Variants in LRRC4C observed in about 807,000 individuals in gnomAD.
The protein encoded by LRRC4C is leucine rich repeat containing 4C, also known as leucine-rich repeat-containing protein 4C.
Under a neutral mutation model 33.6 loss-of-function variants are expected in LRRC4C, and 5 were observed. The ratio of observed to expected loss-of-function variants is 0.15; its 90% CI spans 0.08 to 0.31. LRRC4C has a LOEUF of 0.31. Ranked by LOEUF, LRRC4C falls within the 10% of genes least tolerant of loss-of-function variation. LRRC4C has a pLI of 1.00. For synonymous variants in LRRC4C, 329 were observed against 302.0 expected (o/e 1.09, Z -0.93); for missense variants, 560 against 796.7 (o/e 0.70, Z 3.58).
At chr11:40,979,244 A>G (rs1852323752) in intron 1 of LRRC4C, among the ~76,000 whole-genome samples, 2 of 152,204 alleles carry the variant, frequency 1.3e-5, no homozygotes, top group African/African-American at 4.8e-5. Flanking sequence ...TTTCTACAAT[A>G]CTATCAATTC....
intron 2 of LRRC4C, among the ~76,000 whole-genome samples, chr11:40,729,987 C>T (rs1469787190): frequency 6.6e-6 from 1 of 151,994 alleles, no homozygotes. Context: ...TCATCATTCT[C>T]AGTAAACTAT....
chr11:40,584,182 A>ATATATATATATATG (rs1374392343), intron 3 of LRRC4C, among the ~76,000 whole-genome samples: 1 of 124,202 alleles, frequency 8.1e-6, no homozygotes, highest in Admixed American at 8.6e-5. Context: ...CACTTCATAT[A>ATATATATATATATG]TATATATATA....
chr11:41,316,166 A>G (rs984676429), intron 1 of LRRC4C, among the ~76,000 whole-genome samples: 5 of 150,366 alleles, frequency 3.3e-5, no homozygotes, highest in East Asian at 4.1e-4. Flanking sequence ...CTTTTTTACA[A>G]TGAGAATGAT....
At chr11:40,635,221 C>A (rs1224765862) in intron 3 of LRRC4C, among the ~76,000 whole-genome samples, 1 of 152,198 alleles carries the variant, frequency 6.6e-6, no homozygotes, top group Non-Finnish European at 1.5e-5. Context: ...ATAGAATTCT[C>A]AACCTCGACC....
At chr11:41,285,326 T>A (rs1476659012) in intron 1 of LRRC4C, among the ~76,000 whole-genome samples, 1 of 152,212 alleles carries the variant, frequency 6.6e-6, no homozygotes, top group African/African-American at 2.4e-5. Context: ...AAACAAAAAC[T>A]TCAATTCACA....
At chr11:41,419,822 C>G (rs575646701) in intron 1 of LRRC4C, among the ~76,000 whole-genome samples, 1 of 151,954 alleles carries the variant, frequency 6.6e-6, no homozygotes, top group Non-Finnish European at 1.5e-5. Flanking sequence ...AACCAGGATT[C>G]AAACTCAAGC....
intron 3 of LRRC4C, among the ~76,000 whole-genome samples, chr11:40,411,567 G>A (rs1447479013): frequency 1.3e-5 from 2 of 151,988 alleles, no homozygotes; most frequent in African/African-American, 4.8e-5. Context: ...CAGATCCAGA[G>A]TGCTGAATGG....
At position 40,537,811 on chromosome 11, in the gene LRRC4C, G is replaced by A. The variant is rs148077247; in HGVS notation, c.-270+110331C>T. Among the ~76,000 whole-genome samples, 60 of 152,222 alleles carry A rather than the reference G, an allele frequency of 3.9e-4. 2 individuals carry two copies. The East Asian group carries it at 0.01, about 27-fold the overall frequency. On this transcript the variant is annotated intron_variant, in intron 3 of 6. Coordinates refer to ENST00000528697, the MANE Select transcript of LRRC4C (RefSeq NM_001258419.2). ...AAAGGAAAGCTATTATGTAAAACCC[G>A]CATGACCATTCCAACCACCTAACTT...
chr11:41,072,991 C>A (rs2135433871), intron 1 of LRRC4C, among the ~76,000 whole-genome samples: 1 of 152,102 alleles, frequency 6.6e-6, no homozygotes, highest in East Asian at 1.9e-4. Flanking sequence ...AGTGATCTGC[C>A]CAATATTATG....
chr11:40,765,992 A>G (rs1180921472), intron 2 of LRRC4C, among the ~76,000 whole-genome samples: 2 of 151,866 alleles, frequency 1.3e-5, no homozygotes, highest in Non-Finnish European at 2.9e-5. Context: ...TAGAACACCA[A>G]ACAGATTTAG....
At chr11:41,120,643 A>C (rs3886949) in intron 1 of LRRC4C, among the ~76,000 whole-genome samples, 1 of 151,924 alleles carries the variant, frequency 6.6e-6, no homozygotes, top group Non-Finnish European at 1.5e-5. Flanking sequence ...ACAGCTCTCA[A>C]TGAGTTCTTG....
chr11:41,061,910 GT>G (rs1937800471), intron 1 of LRRC4C, among the ~76,000 whole-genome samples: 1 of 151,916 alleles, frequency 6.6e-6, no homozygotes, highest in African/African-American at 2.4e-5. Context: ...GTCTAACACG[GT>G]GGGCAGCACA....
intron 1 of LRRC4C, among the ~76,000 whole-genome samples, chr11:41,338,824 C>T (rs1951539100): frequency 6.6e-6 from 1 of 151,926 alleles, no homozygotes; most frequent in Admixed American, 6.6e-5. Flanking sequence ...ATCTGAGTTC[C>T]TACTCTCTAA....
chr11:40,327,674 G>C (rs1946164824), intron 3 of LRRC4C, among the ~76,000 whole-genome samples: 1 of 151,852 alleles, frequency 6.6e-6, no homozygotes, highest in Non-Finnish European at 1.5e-5. Flanking sequence ...TATGCACTGG[G>C]CCAGGTGTTG....
intron 3 of LRRC4C, among the ~76,000 whole-genome samples, chr11:40,389,344 C>T (rs540505207): frequency 5.3e-5 from 8 of 152,226 alleles, no homozygotes; most frequent in South Asian, 2.1e-4. Flanking sequence ...ATTCATACAT[C>T]GCTGTAACTT....
chr11:40,166,552 G>GCTT (rs1173766156), intron 5 of LRRC4C, among the ~76,000 whole-genome samples: 1 of 152,050 alleles, frequency 6.6e-6, no homozygotes, highest in Admixed American at 6.5e-5. Context: ...GAACACATAT[G>GCTT]CTTCTGATAT....
At chr11:41,293,757 C>T (rs1419078640) in intron 1 of LRRC4C, among the ~76,000 whole-genome samples, 2 of 151,960 alleles carry the variant, frequency 1.3e-5, no homozygotes, top group Admixed American at 6.6e-5. Flanking sequence ...GCCATCATGT[C>T]CAGCTAATTT....
At chr11:40,965,024 C>A (rs1021282964) in intron 1 of LRRC4C, among the ~76,000 whole-genome samples, 5 of 152,082 alleles carry the variant, frequency 3.3e-5, no homozygotes, top group African/African-American at 7.2e-5. Context: ...ACACCCTCTC[C>A]AGCACCTGTT....
intron 2 of LRRC4C, among the ~76,000 whole-genome samples, chr11:40,915,789 T>A (rs1015583224): frequency 6.6e-6 from 1 of 151,980 alleles, no homozygotes; most frequent in Non-Finnish European, 1.5e-5. Context: ...ATTTTTGCAA[T>A]CTACTCATCT....
Sources: gnomAD v4.1 joint callset for allele counts (sites outside exome capture counted in the v4.1 genomes callset) on GRCh38, gnomAD v4.1.1 for gene constraint, MANE v1.5 for transcripts, NCBI Gene and HGNC (gene_info 2026-07-23, HGNC 2026-07-21) for gene names.